Variants in ITPR2 observed in about 807,000 individuals in gnomAD.
The protein encoded by ITPR2 is inositol 1,4,5-trisphosphate receptor type 2.
A neutral mutation model predicts 317.1 loss-of-function variants in ITPR2; 207 were observed. The observed-to-expected ratio is 0.65, with a 90% CI of 0.58 to 0.73. ITPR2 has a LOEUF of 0.73. ITPR2 is among the 30% of genes least tolerant of loss of function. ITPR2 has a pLI of 0.00. For missense variants in ITPR2, 2,613 were observed against 3,284.0 expected (o/e 0.80, Z 4.99); for synonymous variants, 1,156 against 1,149.1 (o/e 1.01, Z -0.12).
chr12:26,427,810 A>G, intron 49 of ITPR2, 103 bp downstream of exon 49: 1 of 677,934 alleles, frequency 1.5e-6, no homozygotes, highest in Non-Finnish European at 2.1e-6. Context: ...ATAAATTAGA[A>G]TTCACCATGC....
intron 48 of ITPR2, among the ~76,000 whole-genome samples, chr12:26,428,895 C>T (rs1941134639): frequency 6.6e-6 from 1 of 152,196 alleles, no homozygotes. Context: ...CATTCTTGGG[C>T]TGATTGGATC....
At chr12:26,724,794 A>C in intron 3 of ITPR2, 52 bp from the exon 4 acceptor site, 1 of 1,319,524 alleles carries the variant, frequency 7.6e-7, no homozygotes, top group Non-Finnish European at 1.1e-6. Flanking sequence ...AACAGAGTGT[A>C]ATAACTGACA....
rs2137322891 is a variant in ITPR2 at position 26,832,939 on chromosome 12, T to C, written c.-158A>G. 1.7e-6 allele frequency: 1 copy of C among 604,364 alleles called. No homozygotes were observed. Among genetic ancestry groups the C allele is most frequent in the Non-Finnish European group, 2.8e-6 (1 of 353,962 alleles). The allele number at this position is 604,364 out of a possible 1,614,324, so 37.4% of individuals were successfully genotyped here. ...GGCCCGAGCCACTGAGCGTCGCGGC[T>C]CAGCCGTGCGTGCGCGCCGGGGAAG... On this transcript the variant is annotated 5_prime_UTR_variant, in exon 1 of 57. Transcript: ENST00000381340.
intron 45 of ITPR2, among the ~76,000 whole-genome samples, chr12:26,465,751 A>C (rs561569301): frequency 6.6e-6 from 1 of 152,164 alleles, no homozygotes; most frequent in East Asian, 1.9e-4. Flanking sequence ...CTCCTGTAAT[A>C]AAGGTATACT....
intron 1 of ITPR2, among the ~76,000 whole-genome samples, chr12:26,825,936 T>C (rs1459452539): frequency 1.3e-5 from 2 of 152,236 alleles, no homozygotes; most frequent in Non-Finnish European, 2.9e-5. Flanking sequence ...ATTTATCACA[T>C]TATCATATGC....
chr12:26,369,628 C>T (rs1260736479), intron 55 of ITPR2, among the ~76,000 whole-genome samples: 3 of 152,156 alleles, frequency 2.0e-5, no homozygotes, highest in African/African-American at 7.2e-5. Flanking sequence ...ATAATAAAGA[C>T]TTATACTAGT....
In ITPR2 at chr12:26,782,037, T is replaced by TAGAGAGAGAGAG. The variant is rs1177233376; in HGVS notation, c.163+8108_163+8119dup. ...ATATATATATATATATATATATGTA[T>TAGAGAGAGAGAG]AGAGAGAGAGAGAGAGAGAGAGAGA... On this transcript the variant is annotated intron_variant, in intron 2 of 56. Transcript: ENST00000381340. Among the ~76,000 whole-genome samples, 153 of 51,694 alleles carry TAGAGAGAGAGAG rather than the reference T, an allele frequency of 3.0e-3. 1 individual carries two copies. Among genetic ancestry groups the TAGAGAGAGAGAG allele is most frequent in the African/African-American group, 8.4e-3 (147 of 17,540 alleles). 33.9% of individuals were successfully genotyped at this position (51,694 alleles called of 152,430 possible).
At chr12:26,737,137 A>G (rs1289545527) in intron 2 of ITPR2, among the ~76,000 whole-genome samples, 3 of 152,214 alleles carry the variant, frequency 2.0e-5, no homozygotes, top group Non-Finnish European at 4.4e-5. Flanking sequence ...CTCAGAGGCA[A>G]GTAAACTTGT....
intron 55 of ITPR2, among the ~76,000 whole-genome samples, chr12:26,359,598 TG>T (rs947303153): frequency 1.1e-4 from 15 of 134,832 alleles, no homozygotes; most frequent in Non-Finnish European, 1.5e-4. Flanking sequence ...TTTTCTCTTG[TG>T]GGGAAAAAAA....
intron 39 of ITPR2, among the ~76,000 whole-genome samples, chr12:26,493,121 G>C (rs888523693): frequency 6.6e-6 from 1 of 152,072 alleles, no homozygotes. Context: ...AATCTATGCT[G>C]CAGCTACAGC....
intron 48 of ITPR2, among the ~76,000 whole-genome samples, chr12:26,431,753 AGT>A (rs1400435201): frequency 6.6e-6 from 1 of 152,160 alleles, no homozygotes; most frequent in Admixed American, 6.5e-5. Flanking sequence ...TCATAACCCA[AGT>A]GTGAACCAAA....
At chr12:26,498,241 A>C (rs1198386439) in intron 37 of ITPR2, among the ~76,000 whole-genome samples, 2 of 152,362 alleles carry the variant, frequency 1.3e-5, no homozygotes, top group African/African-American at 4.8e-5. Flanking sequence ...GAAGTATAAC[A>C]GCTTATTCTA....
intron 26 of ITPR2, among the ~76,000 whole-genome samples, chr12:26,615,962 T>C (rs1946363810): frequency 6.6e-6 from 1 of 152,056 alleles, no homozygotes; most frequent in Admixed American, 6.5e-5. Flanking sequence ...CAAGCCACAA[T>C]GGACAATTAC....
At chr12:26,497,305 C>T (rs966500537) in intron 37 of ITPR2, among the ~76,000 whole-genome samples, 1 of 151,840 alleles carries the variant, frequency 6.6e-6, no homozygotes, top group Non-Finnish European at 1.5e-5. Flanking sequence ...AGGTGCCCGC[C>T]ACCACACCCA....
chr12:26,616,206 C>T (rs892000389), intron 26 of ITPR2, among the ~76,000 whole-genome samples: 1 of 151,944 alleles, frequency 6.6e-6, no homozygotes, highest in Non-Finnish European at 1.5e-5. Context: ...GGTGCAATCT[C>T]GGCTCACTGC....
intron 20 of ITPR2, among the ~76,000 whole-genome samples, chr12:26,655,181 T>A (rs1241957246): frequency 6.6e-6 from 1 of 152,122 alleles, no homozygotes; most frequent in Admixed American, 6.5e-5. Flanking sequence ...TTTTACAAAA[T>A]ATGCAAAACT....
intron 1 of ITPR2, among the ~76,000 whole-genome samples, chr12:26,829,416 G>C (rs1006787334): frequency 6.6e-6 from 1 of 151,350 alleles, no homozygotes; most frequent in South Asian, 2.1e-4. Flanking sequence ...CTGCAGCCTT[G>C]ACCTCCCAAG....
chr12:26,612,222 C>T (rs571502333), intron 26 of ITPR2, among the ~76,000 whole-genome samples: 12 of 149,806 alleles, frequency 8.0e-5, no homozygotes, highest in Admixed American at 1.4e-4. Context: ...TTTCCCCTCA[C>T]GCTTTTATGT....
At chr12:26,643,954 A>G (rs1158451855) in intron 21 of ITPR2, among the ~76,000 whole-genome samples, 3 of 152,246 alleles carry the variant, frequency 2.0e-5, no homozygotes, top group African/African-American at 4.8e-5. Flanking sequence ...CCAAGTGACC[A>G]TTCGTAAAGA....
Sources: gnomAD v4.1 joint callset for allele counts (sites outside exome capture counted in the v4.1 genomes callset) on GRCh38, gnomAD v4.1.1 for gene constraint, MANE v1.5 for transcripts, NCBI Gene and HGNC (gene_info 2026-07-23, HGNC 2026-07-21) for gene names.